ASF1A: variants seen among roughly 807,000 people sequenced by gnomAD.
The protein encoded by ASF1A is histone chaperone ASF1A.
Under a neutral mutation model 22.0 loss-of-function variants are expected in ASF1A, and 5 were observed. The ratio of observed to expected loss-of-function variants is 0.23; its 90% confidence interval spans 0.12 to 0.48. The LOEUF (loss-of-function observed/expected upper bound fraction) is 0.48. Among genes scored for constraint, ASF1A ranks in the 20% least tolerant of loss-of-function variants. ASF1A has a pLI of 0.99. For missense variants in ASF1A, 137 were observed against 240.6 expected, an observed-to-expected ratio of 0.57 and a Z score of 2.85; for synonymous variants, 97 against 86.7, an observed-to-expected ratio of 1.12 and a Z score of -0.66.
Position 118,894,309 on chromosome 6 carries a change from G to C in ASF1A, c.-105G>C. 1 of 1,500,698 alleles carries C rather than the reference G, an allele frequency of 6.7e-7. No homozygotes were observed. Among genetic ancestry groups the C allele is most frequent in the Admixed American group, 2.2e-5 (1 of 44,736 alleles). 93.0% of individuals were successfully genotyped at this position (1,500,698 alleles called of 1,614,324 possible). On this transcript the variant is annotated 5_prime_UTR_variant, in exon 1 of 4. Coordinates refer to ENST00000229595, the MANE Select transcript of ASF1A (RefSeq NM_014034.3). ...CTCAAGTCGCCGCTGCACGACGTCT[G>C]GCCGGCGCTGGAGCGGGGGTCTGCG...
Position 118,907,798 on chromosome 6 carries a change from T to G in ASF1A, c.*184T>G. On this transcript the variant is annotated 3_prime_UTR_variant, in exon 4 of 4. Coordinates refer to ENST00000229595, the MANE Select transcript of ASF1A (RefSeq NM_014034.3). ...GAATATAAATACAACTATTTTTAAGTAATTTTTTTCTCTAATGTGTTATTT... is the reference window on the plus strand; with the variant it reads ...GAATATAAATACAACTATTTTTAAGGAATTTTTTTCTCTAATGTGTTATTT... 1.9e-6 allele frequency: 1 copy of G among 530,694 alleles called. No individual in the cohort carries two copies. Among genetic ancestry groups the G allele is most frequent in the Non-Finnish European group, 3.3e-6 (1 of 302,420 alleles). The allele number at this position is 530,694 out of a possible 1,614,324, so 32.9% of individuals were successfully genotyped here.
At position 118,907,605 on chromosome 6, in the gene ASF1A, C is replaced by A. The variant is rs371152823; in HGVS notation, c.606C>A (p.Asp202Glu). Reference protein sequence around the residue: ...SLNVMLESHMDCM With the variant: ...SLNVMLESHMECM The stretch of plus-strand genomic sequence containing the variant: ...ATGTCATGTTAGAATCCCACATGGA[C>A]TGCATGTGACCACCTACCATCCCTT... The change falls in exon 4 of 4, where the codon GAC (aspartate) becomes GAA (glutamate). Residue 202 changes from aspartate (D) to glutamate (E), a missense_variant. Asp to Glu is a conservative substitution (Grantham distance 45). Coordinates refer to ENST00000229595, the MANE Select transcript of ASF1A (RefSeq NM_014034.3). The A allele has an allele frequency of 6.2e-7, 1 of 1,607,790 alleles. No homozygotes were observed. Among genetic ancestry groups the A allele is most frequent in the Non-Finnish European group, 8.5e-7 (1 of 1,174,348 alleles).
chr6:118,904,931 C>T (rs904628945), intron 2 of ASF1A, among the ~76,000 whole-genome samples: 5 of 152,086 alleles, frequency 3.3e-5, no homozygotes, highest in African/African-American at 4.8e-5. Flanking sequence ...TCCACCTCCT[C>T]GGTTCAAGTG....
Position 118,894,808 on chromosome 6 carries a change from G to A in ASF1A, c.109+286G>A, listed in dbSNP as rs576981503. Among the ~76,000 whole-genome samples the A allele has an allele frequency of 2.8e-4, 43 of 152,312 alleles. No individual in the cohort carries two copies. The South Asian group carries it at 8.5e-3, about 30-fold the overall frequency. On this transcript the variant is annotated intron_variant, in intron 1 of 3. Transcript: ENST00000229595. Reference sequence around the variant, plus strand: ...CTGCGGGCGGGCAGCTCGGAGACCCGCACTCGCTCCCGCTGCGCCGCCTGA... The same window carrying A: ...CTGCGGGCGGGCAGCTCGGAGACCCACACTCGCTCCCGCTGCGCCGCCTGA...
chr6:118,902,723 T>C (rs765253758), intron 2 of ASF1A, among the ~76,000 whole-genome samples: 2 of 152,224 alleles, frequency 1.3e-5, no homozygotes, highest in Non-Finnish European at 2.9e-5. Flanking sequence ...TTGGTGTCAG[T>C]GTACATGTTG....
At chr6:118,898,358 C>G (rs1779575694) in intron 1 of ASF1A, among the ~76,000 whole-genome samples, 1 of 151,670 alleles carries the variant, frequency 6.6e-6, no homozygotes, top group Admixed American at 6.6e-5. Context: ...CACTTAGGAT[C>G]AAGGGCATTA....
chr6:118,899,259 C>A (rs895893923), intron 1 of ASF1A, among the ~76,000 whole-genome samples: 3 of 152,166 alleles, frequency 2.0e-5, no homozygotes, highest in African/African-American at 4.8e-5. Flanking sequence ...TGCTCAAAAC[C>A]CTTCGATGGC....
intron 3 of ASF1A, 139 bp from the exon 4 acceptor site, chr6:118,907,263 C>G (rs1290631932): frequency 4.9e-6 from 3 of 618,042 alleles, no homozygotes; most frequent in Non-Finnish European, 8.6e-6. Context: ...ATTTAAGGTA[C>G]TTAACTTGAA....
intron 2 of ASF1A, 70 bp downstream of exon 2, chr6:118,900,951 T>C (rs755855725): frequency 5.5e-6 from 6 of 1,092,234 alleles, no homozygotes; most frequent in African/African-American, 3.1e-5. Flanking sequence ...TATTATCTTA[T>C]AACCCTTATC....
chr6:118,907,427 A>G lies in ASF1A; in HGVS notation c.428A>G (p.Asn143Ser). The change falls in exon 4 of 4, where the codon AAT becomes AGT. Residue 143 changes from asparagine to serine, a missense_variant. Coordinates refer to ENST00000229595, the MANE Select transcript of ASF1A (RefSeq NM_014034.3). ...SKLQRNILAS[N>S]PRVTRFHINW... ...CTTCAAAGGAATATTTTGGCATCTA[A>G]TCCCAGGGTCACAAGATTCCACATT... 6.2e-7 allele frequency: 1 copy of G among 1,606,866 alleles called. No homozygotes were observed.
Position 118,907,769 on chromosome 6 carries a change from T to C in ASF1A, c.*155T>C, listed in dbSNP as rs1265508773. 4 of 590,444 alleles carry C rather than the reference T, an allele frequency of 6.8e-6. No individual in the cohort carries two copies. The East Asian group carries it at 1.1e-4, about 17-fold the overall frequency. 36.6% of individuals were successfully genotyped at this position (590,444 alleles called of 1,614,324 possible). A position where few individuals can be genotyped will look rare whatever the true frequency, so the allele number is the denominator to read the frequency against. ...TAAGAAAACCAGTATTTGAACAAAT[T>C]GTGGAATATAAATACAACTATTTTT... On this transcript the variant is annotated 3_prime_UTR_variant, in exon 4 of 4. Coordinates refer to ENST00000229595, the MANE Select transcript of ASF1A (RefSeq NM_014034.3).
chr6:118,895,010 C>T (rs1779274378), intron 1 of ASF1A, among the ~76,000 whole-genome samples: 1 of 152,186 alleles, frequency 6.6e-6, no homozygotes, highest in African/African-American at 2.4e-5. Context: ...CCTCCTCTTG[C>T]CCCGCCGCCC....
At chr6:118,896,057 T>A (rs1317259743) in intron 1 of ASF1A, among the ~76,000 whole-genome samples, 12 of 149,040 alleles carry the variant, frequency 8.1e-5, no homozygotes, top group Admixed American at 2.7e-4. Flanking sequence ...TTTTTTTTTT[T>A]AAACCTATAT....
chr6:118,898,113 G>T (rs1045024528), intron 1 of ASF1A, among the ~76,000 whole-genome samples: 1 of 152,164 alleles, frequency 6.6e-6, no homozygotes, highest in Non-Finnish European at 1.5e-5. Context: ...CAGAGGCATA[G>T]CTTGGATTCT....
intron 3 of ASF1A, among the ~76,000 whole-genome samples, 195 bp downstream of exon 3, chr6:118,906,023 GTAAT>G (rs1168463230): frequency 6.6e-6 from 1 of 152,178 alleles, no homozygotes; most frequent in Non-Finnish European, 1.5e-5. Flanking sequence ...TGAGTCATTA[GTAAT>G]TAATGTAGGC....
chr6:118,894,929 C>T (rs1276114034), intron 1 of ASF1A, among the ~76,000 whole-genome samples: 2 of 152,136 alleles, frequency 1.3e-5, no homozygotes. Context: ...CGTGTGGTCG[C>T]GCCGGCGAGT....
At position 118,900,864 on chromosome 6, in the gene ASF1A, C is replaced by T. The variant is rs1428812574; in HGVS notation, c.208C>T (p.His70Tyr). 6.2e-7 allele frequency: 1 copy of T among 1,611,288 alleles called. No individual in the cohort carries two copies. Among genetic ancestry groups the T allele is most frequent in the Non-Finnish European group, 8.5e-7 (1 of 1,177,582 alleles). Residue 70 changes from histidine to tyrosine, a missense_variant, in exon 2 of 4, where the codon CAT becomes TAT. By Grantham distance (83) the His-to-Tyr change is moderately conservative. Around this residue, in one of 2 missense-constraint regions of ASF1A, gnomAD observed 96 missense variants for 196.7 expected, o/e 0.49. Transcript: ENST00000229595. ...AGTGGGTCCTGTTCCCGCAGGAAGGCATATGTTTGTATTTCAGGTAAGATT... is the reference window on the plus strand; with the variant it reads ...AGTGGGTCCTGTTCCCGCAGGAAGGTATATGTTTGTATTTCAGGTAAGATT... ...VLVGPVPAGR[H>Y]MFVFQADAPN...
At position 118,896,871 on chromosome 6, in the gene ASF1A, GC is replaced by G. The variant is rs1201626663; in HGVS notation, c.109+2350del. On this transcript the variant is annotated intron_variant, in intron 1 of 3. Transcript: ENST00000229595. Reference sequence around the variant, plus strand: ...TTTTAAATGAGACAGTGTTGCTCTGGCACTCAGGCTGGATGGAGTACAGTGG... The same window carrying G: ...TTTTAAATGAGACAGTGTTGCTCTGGACTCAGGCTGGATGGAGTACAGTGG... 9.9e-5 allele frequency among the ~76,000 whole-genome samples: 15 copies of G among 151,676 alleles called. 1 individual carries two copies. In the East Asian group the frequency reaches 2.9e-3, roughly 29 times the overall value.
chr6:118,900,622 G>C (rs895374720), intron 1 of ASF1A, 144 bp from the exon 2 acceptor site: 8 of 636,048 alleles, frequency 1.3e-5, no homozygotes, highest in African/African-American at 9.1e-5. Flanking sequence ...ACTTTATAAG[G>C]AGCATTTCAC....
Sources: allele counts gnomAD v4.1 joint callset (sites outside exome capture counted in the v4.1 genomes callset), GRCh38; gene constraint gnomAD v4.1.1; regional missense constraint gnomAD v4.1.1; transcripts MANE v1.5; gene names NCBI Gene and HGNC (gene_info 2026-07-23, HGNC 2026-07-21).